The following DYM variants were observed in gnomAD, a reference collection of about 807,000 sequenced individuals.
DYM encodes the protein dyggve-Melchior-Clausen syndrome protein.
DYM carries 78 observed loss-of-function variants against 93.1 expected under a neutral mutation model. The ratio of observed to expected loss-of-function variants is 0.84; its 90% CI spans 0.70 to 1.01. DYM has a LOEUF of 1.01. DYM is among the 50% of genes least tolerant of loss of function. DYM has a pLI of 0.00. For synonymous variants in DYM, 321 were observed against 319.7 expected (o/e 1.00, Z -0.04); for missense variants, 789 against 845.0 (o/e 0.93, Z 0.82).
intron 8 of DYM, among the ~76,000 whole-genome samples, chr18:49,295,308 T>C (rs2060453830): frequency 6.6e-6 from 1 of 152,166 alleles, no homozygotes; most frequent in Admixed American, 6.5e-5. Context: ...TTGATAAAAA[T>C]AAAATTTTAA....
chr18:49,155,153 T>C (rs1490155975), intron 15 of DYM, among the ~76,000 whole-genome samples: 1 of 152,244 alleles, frequency 6.6e-6, no homozygotes, highest in African/African-American at 2.4e-5. Flanking sequence ...TACACACCTT[T>C]GTGGAACTGC....
chr18:49,435,683 G>A lies in DYM; in HGVS notation c.-53-5236C>T, dbSNP rs113279295. Among the ~76,000 whole-genome samples the A allele has an allele frequency of 8.0e-3, 1,179 of 148,186 alleles. 33 individuals carry two copies. Among genetic ancestry groups the A allele is most frequent in the South Asian group, 0.075 (361 of 4,818 alleles). ...AGGCGTCTGTAATCCCAGCTACTCA[G>A]GAGATTGACGCAGGAAAATCGCTTG... On this transcript the variant is annotated intron_variant, in intron 1 of 17. Coordinates refer to ENST00000675505, the MANE Select transcript of DYM (RefSeq NM_001353214.3).
chr18:49,203,542 T>G (rs538433808), intron 14 of DYM, among the ~76,000 whole-genome samples: 12 of 145,704 alleles, frequency 8.2e-5, no homozygotes, highest in East Asian at 6.1e-4. Flanking sequence ...CCTGTTGATC[T>G]GTGACCTTAC....
chr18:49,343,951 T>TAA (rs59054000), intron 6 of DYM, among the ~76,000 whole-genome samples: 61 of 135,358 alleles, frequency 4.5e-4, no homozygotes, highest in South Asian at 4.2e-3. Flanking sequence ...TACACCACAT[T>TAA]AAAAAAAAAA....
chr18:49,165,010 C>T (rs181635085), intron 14 of DYM, among the ~76,000 whole-genome samples: 17 of 152,222 alleles, frequency 1.1e-4, no homozygotes, highest in Admixed American at 1.1e-3. Flanking sequence ...CGAGACCCAA[C>T]CATGTGCAGT....
chr18:49,371,055 G>T (rs2066992744), intron 5 of DYM, among the ~76,000 whole-genome samples: 1 of 152,184 alleles, frequency 6.6e-6, no homozygotes, highest in Admixed American at 6.5e-5. Context: ...CACTGACTAA[G>T]CCTCAGTCAG....
At chr18:49,452,357 C>T (rs913057840) in intron 1 of DYM, among the ~76,000 whole-genome samples, 11 of 152,070 alleles carry the variant, frequency 7.2e-5, no homozygotes, top group African/African-American at 2.2e-4. Flanking sequence ...GGGACCTGAG[C>T]GGGTTGCCAT....
At chr18:49,241,298 C>G (rs986777859) in intron 13 of DYM, among the ~76,000 whole-genome samples, 4 of 152,116 alleles carry the variant, frequency 2.6e-5, no homozygotes, top group Non-Finnish European at 5.9e-5. Context: ...TCAGGTCTGC[C>G]AAAAAGAACA....
intron 1 of DYM, among the ~76,000 whole-genome samples, chr18:49,456,586 T>C (rs1340590296): frequency 6.6e-6 from 1 of 152,204 alleles, no homozygotes; most frequent in Non-Finnish European, 1.5e-5. Flanking sequence ...TTCAGCCACT[T>C]TCATTGCCTG....
At chr18:49,332,158 G>A in intron 7 of DYM, 152 bp from the exon 8 acceptor site, 1 of 791,798 alleles carries the variant, frequency 1.3e-6, no homozygotes, top group Non-Finnish European at 2.0e-6. Context: ...GCACACAACA[G>A]TGAAGACCAT....
chr18:49,283,291 T>G (rs112922362), intron 9 of DYM, among the ~76,000 whole-genome samples: 1,639 of 152,318 alleles, frequency 0.011, 30 homozygotes, highest in African/African-American at 0.038. Flanking sequence ...TCTGCGTATA[T>G]TCAACATTAG....
At chr18:49,200,268 A>C (rs1311085066) in intron 14 of DYM, among the ~76,000 whole-genome samples, 1 of 152,032 alleles carries the variant, frequency 6.6e-6, no homozygotes, top group Non-Finnish European at 1.5e-5. Flanking sequence ...GTAAAAGATA[A>C]ATTTTAAATA....
chr18:49,161,698 T>C (rs2087156832), intron 15 of DYM, among the ~76,000 whole-genome samples: 1 of 152,212 alleles, frequency 6.6e-6, no homozygotes, highest in Admixed American at 6.5e-5. Flanking sequence ...TTTGGAATTA[T>C]AAACTTAATA....
At chr18:49,159,963 AG>A (rs2086898608) in intron 15 of DYM, among the ~76,000 whole-genome samples, 1 of 152,142 alleles carries the variant, frequency 6.6e-6, no homozygotes, top group Non-Finnish European at 1.5e-5. Flanking sequence ...TTCTATATTC[AG>A]GTTCCATATT....
chr18:49,079,899 C>T (rs1034788484), intron 17 of DYM, among the ~76,000 whole-genome samples: 6 of 151,612 alleles, frequency 4.0e-5, no homozygotes, highest in South Asian at 4.2e-4. Flanking sequence ...CATCCCGGCC[C>T]GTTCTCAATG....
intron 1 of DYM, among the ~76,000 whole-genome samples, chr18:49,447,869 G>A (rs1268229029): frequency 6.6e-6 from 1 of 152,162 alleles, no homozygotes; most frequent in African/African-American, 2.4e-5. Context: ...GCGTCTTTGT[G>A]ATTTTCTAAG....
intron 6 of DYM, among the ~76,000 whole-genome samples, chr18:49,339,670 C>G (rs1355691415): frequency 6.6e-6 from 1 of 152,216 alleles, no homozygotes; most frequent in African/African-American, 2.4e-5. Flanking sequence ...AGAGCCCCAG[C>G]TTGACTACAA....
At chr18:49,265,996 A>G (rs1342082049) in intron 11 of DYM, among the ~76,000 whole-genome samples, 1 of 151,858 alleles carries the variant, frequency 6.6e-6, no homozygotes, top group Non-Finnish European at 1.5e-5. Flanking sequence ...GTTTTGAATA[A>G]TCTAAAAAAA....
At chr18:49,153,688 T>C (rs1332891796) in intron 15 of DYM, among the ~76,000 whole-genome samples, 7 of 152,086 alleles carry the variant, frequency 4.6e-5, no homozygotes, top group Non-Finnish European at 8.8e-5. Flanking sequence ...AAATAAATAA[T>C]TGAATAAGTA....
Sources: allele counts gnomAD v4.1 joint callset (sites outside exome capture counted in the v4.1 genomes callset), GRCh38; gene constraint gnomAD v4.1.1; transcripts MANE v1.5; gene names NCBI Gene and HGNC (gene_info 2026-07-23, HGNC 2026-07-21).